AR: variants seen among roughly 807,000 people sequenced by gnomAD.
The protein encoded by AR is androgen receptor.
In AR, 8 loss-of-function variants were observed where a neutral mutation model predicts 53.9. The observed-to-expected ratio is 0.15, with a 90% CI of 0.09 to 0.27. The LOEUF (loss-of-function observed/expected upper bound fraction) is 0.27. AR is among the 10% of genes least tolerant of loss of function. AR has a pLI of 1.00. For synonymous variants in AR, 359 were observed against 316.4 expected (o/e 1.13, Z -1.43); for missense variants, 639 against 742.5 (o/e 0.86, Z 1.62).
chrX:67,712,374 T>C (rs2076097404), intron 4 of AR, among the ~76,000 whole-genome samples: 1 of 112,546 alleles, frequency 8.9e-6, no homozygotes, highest in African/African-American at 3.2e-5. Flanking sequence ...GTGAAAGAAT[T>C]ACCAAGTGTT....
At chrX:67,643,996 C>G (rs1355751789) in intron 2 of AR, among the ~76,000 whole-genome samples, 1 of 112,110 alleles carries the variant, frequency 8.9e-6, no homozygotes, top group African/African-American at 3.2e-5. Flanking sequence ...CATTTATTCT[C>G]CTCTCCAGAG....
At chrX:67,582,408 T>C (rs1046216592) in intron 1 of AR, among the ~76,000 whole-genome samples, 1 of 111,760 alleles carries the variant, frequency 8.9e-6, no homozygotes, top group Non-Finnish European at 1.9e-5. Flanking sequence ...AACTTCTCTG[T>C]TGATTTTCAG....
chrX:67,546,254 G>T lies in AR; in HGVS notation c.1108G>T (p.Ala370Ser), dbSNP rs1326711596. 8 of 1,209,230 alleles carry T rather than the reference G, an allele frequency of 6.6e-6. No individual in the cohort carries two copies. The highest frequency in any genetic ancestry group is 8.9e-6 in the Non-Finnish European group (8 of 894,526). ...QSRDYYNFPL[A>S]LAGPPPPPPP... ...TCGCGACTACTACAACTTTCCACTG[G>T]CTCTGGCCGGACCGCCGCCCCCTCC... Residue 370 changes from alanine to serine, a missense_variant, in exon 1 of 8, where the codon GCT becomes TCT. This residue lies in a region of AR where 423 missense variants were observed against 377.0 expected (regional missense o/e 1.12). Transcript: ENST00000374690.
intron 1 of AR, among the ~76,000 whole-genome samples, chrX:67,581,048 A>G (rs1922274249): frequency 8.9e-6 from 1 of 112,026 alleles, no homozygotes; most frequent in Non-Finnish European, 1.9e-5. Context: ...ATGACAAGGC[A>G]ATCTATTTAT....
chrX:67,596,437 T>C (rs918794490), intron 1 of AR, among the ~76,000 whole-genome samples: 2 of 111,763 alleles, frequency 1.8e-5, no homozygotes, highest in Admixed American at 9.5e-5. Flanking sequence ...ATTAAACTAA[T>C]TATTTAAAAA....
chrX:67,721,824 C>T lies in AR; in HGVS notation c.2319-9C>T, dbSNP rs371951774. The T allele has an allele frequency of 1.0e-4, 123 of 1,208,813 alleles. No individual in the cohort carries two copies. Among genetic ancestry groups the T allele is most frequent in the Non-Finnish European group, 1.3e-4 (113 of 894,756 alleles). On this transcript the variant is annotated splice_polypyrimidine_tract_variant and intron_variant, in intron 5 of 7. Coordinates refer to ENST00000374690, the MANE Select transcript of AR (RefSeq NM_000044.6). Reference sequence around the variant, plus strand: ...TCATTCCTTTTTCCTCTGTGTATCTCCTTCCCAGGTACCGCATGCACAAGT... The same window carrying T: ...TCATTCCTTTTTCCTCTGTGTATCTTCTTCCCAGGTACCGCATGCACAAGT...
At position 67,559,280 on chromosome X, in the gene AR, C is replaced by T. The variant is rs182664523; in HGVS notation, c.1616+12518C>T. ...AACATTGACTTGTCTCCCTCCATTC[C>T]TCCTCCGTATTGTTCTGCCCTTCAC... On this transcript the variant is annotated intron_variant, in intron 1 of 7. Coordinates refer to ENST00000374690, the MANE Select transcript of AR (RefSeq NM_000044.6). 3.6e-5 allele frequency among the ~76,000 whole-genome samples: 4 copies of T among 112,179 alleles called. No homozygotes were observed. In the East Asian group the frequency reaches 8.5e-4, roughly 24 times the overall value.
At chrX:67,646,355 G>A (rs1430908984) in intron 2 of AR, among the ~76,000 whole-genome samples, 1 of 110,349 alleles carries the variant, frequency 9.1e-6, no homozygotes. Context: ...GGGCAGGGAG[G>A]GTCTGCATAG....
chrX:67,705,002 T>C (rs2076059655), intron 3 of AR, among the ~76,000 whole-genome samples: 1 of 112,073 alleles, frequency 8.9e-6, no homozygotes, highest in Admixed American at 9.4e-5. Context: ...TCCATTGATC[T>C]ATATCTCTGT....
intron 2 of AR, among the ~76,000 whole-genome samples, chrX:67,653,901 T>C (rs1309580674): frequency 9.0e-6 from 1 of 111,228 alleles, no homozygotes; most frequent in Admixed American, 9.6e-5. Context: ...TACCTGCACG[T>C]TTTGCACATG....
At chrX:67,613,267 T>C (rs1175975249) in intron 1 of AR, among the ~76,000 whole-genome samples, 1 of 112,080 alleles carries the variant, frequency 8.9e-6, no homozygotes, top group Non-Finnish European at 1.9e-5. Context: ...TCACTGTCCC[T>C]GGTTCAAATT....
intron 1 of AR, among the ~76,000 whole-genome samples, chrX:67,587,151 G>A (rs887010990): frequency 8.9e-6 from 1 of 112,223 alleles, no homozygotes; most frequent in Non-Finnish European, 1.9e-5. Flanking sequence ...AGAGGCAAGA[G>A]TTGAACCCAG....
intron 1 of AR, among the ~76,000 whole-genome samples, chrX:67,551,856 G>T (rs1175653898): frequency 9.0e-6 from 1 of 111,559 alleles, no homozygotes; most frequent in Non-Finnish European, 1.9e-5. Context: ...ACTCATGGGT[G>T]ATGCTACTCC....
chrX:67,605,388 C>T (rs1272304699), intron 1 of AR, among the ~76,000 whole-genome samples: 3 of 112,487 alleles, frequency 2.7e-5, no homozygotes, highest in Non-Finnish European at 5.6e-5. Context: ...GACTCAGCCT[C>T]AGGCATTTGC....
chrX:67,704,275 G>A (rs1404462886), intron 3 of AR, among the ~76,000 whole-genome samples: 1 of 111,960 alleles, frequency 8.9e-6, no homozygotes, highest in African/African-American at 3.2e-5. Flanking sequence ...GTGTAAAAGT[G>A]TTCCTATTTC....
intron 3 of AR, among the ~76,000 whole-genome samples, chrX:67,690,820 G>A (rs2075991862): frequency 9.0e-6 from 1 of 111,649 alleles, no homozygotes; most frequent in Non-Finnish European, 1.9e-5. Context: ...GAGATGGAAG[G>A]AAAAGGACAT....
At chrX:67,714,581 T>G (rs1191746626) in intron 4 of AR, among the ~76,000 whole-genome samples, 1 of 110,198 alleles carries the variant, frequency 9.1e-6, no homozygotes, top group Non-Finnish European at 1.9e-5. Context: ...ACTACAAGTT[T>G]CTGCTGCACA....
chrX:67,614,637 C>A (rs914700802), intron 1 of AR, among the ~76,000 whole-genome samples: 4 of 110,732 alleles, frequency 3.6e-5, no homozygotes, highest in African/African-American at 1.3e-4. Flanking sequence ...AATATAGTAT[C>A]TAAAATATTG....
At chrX:67,557,835 A>G (rs1193809944) in intron 1 of AR, among the ~76,000 whole-genome samples, 1 of 112,390 alleles carries the variant, frequency 8.9e-6, no homozygotes, top group African/African-American at 3.2e-5. Flanking sequence ...TAAAACTGGG[A>G]AACTATACAA....
Sources: allele counts gnomAD v4.1 joint callset (sites outside exome capture counted in the v4.1 genomes callset), GRCh38; gene constraint gnomAD v4.1.1; regional missense constraint gnomAD v4.1.1; transcripts MANE v1.5; gene names NCBI Gene and HGNC (gene_info 2026-07-23, HGNC 2026-07-21).